GMEB1: variants seen among roughly 807,000 people sequenced by gnomAD.
The protein encoded by GMEB1 is glucocorticoid modulatory element binding protein 1, also known as glucocorticoid modulatory element-binding protein 1.
In GMEB1, 6 loss-of-function variants were observed where a neutral mutation model predicts 52.4. The ratio of observed to expected loss-of-function variants is 0.11; its 90% CI spans 0.06 to 0.23. GMEB1 has a LOEUF of 0.23. GMEB1 is among the 10% of genes least tolerant of loss of function. The pLI is 1.00. For missense variants in GMEB1, 486 were observed against 685.6 expected (o/e 0.71, Z 3.25); for synonymous variants, 255 against 244.9 (o/e 1.04, Z -0.38).
At chr1:28,683,825 C>A in intron 2 of GMEB1, 85 bp downstream of exon 2, 3 of 1,276,874 alleles carry the variant, frequency 2.3e-6, no homozygotes, top group Non-Finnish European at 2.2e-6. Flanking sequence ...TTGCTTAGCA[C>A]AATGGAACAT....
chr1:28,694,646 G>A (rs1305547481), intron 5 of GMEB1, among the ~76,000 whole-genome samples: 2 of 150,982 alleles, frequency 1.3e-5, no homozygotes, highest in Non-Finnish European at 3.0e-5. Context: ...GTGGCCAGCT[G>A]AAAATGCTAA....
At chr1:28,680,445 A>G (rs896739109) in intron 1 of GMEB1, among the ~76,000 whole-genome samples, 1 of 151,968 alleles carries the variant, frequency 6.6e-6, no homozygotes, top group Non-Finnish European at 1.5e-5. Flanking sequence ...TGAATAAGAA[A>G]AGCAATCCTG....
rs187470988 is a variant in GMEB1 at position 28,688,707 on chromosome 1, C to A, written c.129-1397C>A. Among the ~76,000 whole-genome samples, 395 of 151,380 alleles carry A rather than the reference C, an allele frequency of 2.6e-3. 1 individual carries two copies. The highest frequency in any genetic ancestry group is 2.4e-3 in the Non-Finnish European group (160 of 67,872). On this transcript the variant is annotated intron_variant, in intron 2 of 9. Coordinates refer to ENST00000373816, the MANE Select transcript of GMEB1 (RefSeq NM_001319674.2). ...CTAAAATGCTAAAAACAAACAAACA[C>A]CCCCCCACCACCCACCACCCCCAGC... is the stretch of plus-strand genomic sequence containing the variant.
chr1:28,713,159 A>G (rs969881107), intron 9 of GMEB1, among the ~76,000 whole-genome samples: 11 of 147,630 alleles, frequency 7.5e-5, no homozygotes, highest in Non-Finnish European at 1.4e-4. Flanking sequence ...CTCCATCTCA[A>G]AAAAAAAAAA....
In GMEB1 at chr1:28,714,950, A is replaced by C. The variant is rs1304332593; in HGVS notation, c.*177A>C. 5.2e-6 allele frequency: 3 copies of C among 582,472 alleles called. No homozygotes were observed. The East Asian group carries it at 8.5e-5, about 16-fold the overall frequency. 36.1% of individuals were successfully genotyped at this position (582,472 alleles called of 1,614,324 possible). ...CCCACTCCCTCATTGAAAAATGGAC[A>C]AAACAAGCTGCCCTTCCAGAAGTTG... On this transcript the variant is annotated 3_prime_UTR_variant, in exon 10 of 10. Coordinates refer to ENST00000373816, the MANE Select transcript of GMEB1 (RefSeq NM_001319674.2).
chr1:28,707,900 A>G (rs1160740950), intron 8 of GMEB1, among the ~76,000 whole-genome samples: 13 of 144,236 alleles, frequency 9.0e-5, no homozygotes, highest in African/African-American at 3.0e-4. Context: ...AATACTGACA[A>G]TTTTTTTTTT....
intron 3 of GMEB1, among the ~76,000 whole-genome samples, chr1:28,690,730 C>G (rs1263119762): frequency 1.3e-5 from 2 of 152,124 alleles, no homozygotes; most frequent in Admixed American, 6.6e-5. Context: ...CCTGTAATCC[C>G]AACACTTTGG....
At chr1:28,701,871 A>G (rs1036242771) in intron 6 of GMEB1, among the ~76,000 whole-genome samples, 3 of 152,316 alleles carry the variant, frequency 2.0e-5, no homozygotes, top group East Asian at 3.9e-4. Flanking sequence ...AAATCTTACT[A>G]TACAAGTAAT....
chr1:28,672,862 C>A (rs1444321926), intron 1 of GMEB1, among the ~76,000 whole-genome samples: 2 of 151,582 alleles, frequency 1.3e-5, no homozygotes. Context: ...GCCTCAGCCT[C>A]CCGAGTACTG....
intron 2 of GMEB1, among the ~76,000 whole-genome samples, chr1:28,687,368 ACACACACACACACACACAC>A (rs1669703046): frequency 1.4e-5 from 1 of 71,376 alleles, no homozygotes; most frequent in African/African-American, 5.0e-5. Context: ...ACACACACAC[ACACACACACACACACACAC>A]AAAAAAAGAC....
chr1:28,687,379 C>A (rs146340063), intron 2 of GMEB1, among the ~76,000 whole-genome samples: 4,512 of 15,746 alleles, frequency 0.29, 998 homozygotes, highest in African/African-American at 0.41. Context: ...CACACACACA[C>A]ACACACACAA....
At chr1:28,683,561 T>C (rs1669494523) in intron 1 of GMEB1, 22 bp from the exon 2 acceptor site, 3 of 1,558,368 alleles carry the variant, frequency 1.9e-6, no homozygotes, top group Non-Finnish European at 2.6e-6. Flanking sequence ...ATTAAGTTAT[T>C]GGTGCTTCTT....
intron 1 of GMEB1, among the ~76,000 whole-genome samples, chr1:28,680,311 G>C (rs1042204849): frequency 3.3e-5 from 5 of 152,230 alleles, no homozygotes; most frequent in Non-Finnish European, 7.3e-5. Context: ...CATATCTGCT[G>C]TGTGCTCAGA....
In GMEB1 at chr1:28,707,229, G is replaced by A. The variant is rs533486389; in HGVS notation, c.868+2900G>A. Reference sequence around the variant, plus strand: ...GATCTCCTGACTTCATGATCTGCCCGCCTCGGCCTCCCAAAGTGCTGGGAT... The same window carrying A: ...GATCTCCTGACTTCATGATCTGCCCACCTCGGCCTCCCAAAGTGCTGGGAT... On this transcript the variant is annotated intron_variant, in intron 8 of 9. Transcript: ENST00000373816. Among the ~76,000 whole-genome samples, 580 of 151,552 alleles carry A rather than the reference G, an allele frequency of 3.8e-3. 7 individuals carry two copies. The highest frequency in any genetic ancestry group is 0.013 in the African/African-American group (552 of 41,318).
chr1:28,668,403 G>A (rs974450151), upstream of GMEB1, among the ~76,000 whole-genome samples: 3 of 152,118 alleles, frequency 2.0e-5, no homozygotes, highest in African/African-American at 7.2e-5. Context: ...GTAACTTGAA[G>A]GGTCCGATAA....
At chr1:28,702,910 C>T (rs1257306144) in intron 7 of GMEB1, among the ~76,000 whole-genome samples, 1 of 152,008 alleles carries the variant, frequency 6.6e-6, no homozygotes, top group Non-Finnish European at 1.5e-5. Flanking sequence ...AAAAAATTAG[C>T]CGGGCGTGGT....
At chr1:28,706,141 G>A (rs994115541) in intron 8 of GMEB1, among the ~76,000 whole-genome samples, 1 of 149,706 alleles carries the variant, frequency 6.7e-6, no homozygotes, top group African/African-American at 2.4e-5. Flanking sequence ...GCGGAAGAGC[G>A]AGAGACTCCA....
chr1:28,719,063 G>C lies in GMEB1; in HGVS notation c.*4290G>C, dbSNP rs1671340653. 1 of 152,216 alleles carries C rather than the reference G, an allele frequency of 6.6e-6. No individual in the cohort carries two copies. Among genetic ancestry groups the C allele is most frequent in the Non-Finnish European group, 1.5e-5 (1 of 68,046 alleles). 9.4% of individuals were successfully genotyped at this position (152,216 alleles called of 1,614,324 possible). On this transcript the variant is annotated 3_prime_UTR_variant, in exon 10 of 10. Coordinates refer to ENST00000373816, the MANE Select transcript of GMEB1 (RefSeq NM_001319674.2). ...GGCAGTCTCCCCACTGGAGAACGCT[G>C]AGTCATGCATGGGCTTCTCCAAGTT...
chr1:28,712,890 C>T (rs565559170), intron 9 of GMEB1, among the ~76,000 whole-genome samples: 598 of 146,490 alleles, frequency 4.1e-3, no homozygotes, highest in Non-Finnish European at 7.7e-3. Context: ...TGGTGGCTCA[C>T]GCCTGTAATC....
Sources: allele counts gnomAD v4.1 joint callset (sites outside exome capture counted in the v4.1 genomes callset), GRCh38; gene constraint gnomAD v4.1.1; transcripts MANE v1.5; gene names NCBI Gene and HGNC (gene_info 2026-07-23, HGNC 2026-07-21).